Variants in SYT16 observed in about 807,000 individuals in gnomAD.
SYT16 encodes synaptotagmin 16, also known as synaptotagmin-16.
A neutral mutation model predicts 61.4 loss-of-function variants in SYT16; 42 were observed. That is an observed-to-expected ratio of 0.68 (90% CI 0.53 to 0.89). The LOEUF (loss-of-function observed/expected upper bound fraction) is 0.89, where lower values mean the gene tolerates loss of function less well. Ranked by LOEUF, SYT16 falls within the 40% of genes least tolerant of loss-of-function variation. The pLI is 0.00. For missense variants in SYT16, 804 were observed against 807.3 expected, an observed-to-expected ratio of 1.00 and a Z score of 0.05; for synonymous variants, 314 against 302.3, an observed-to-expected ratio of 1.04 and a Z score of -0.40.
At chr14:61,851,293 C>A (rs976067588) in intron 1 of SYT16, among the ~76,000 whole-genome samples, 1 of 152,196 alleles carries the variant, frequency 6.6e-6, no homozygotes, top group Non-Finnish European at 1.5e-5. Flanking sequence ...ACCACATTTT[C>A]TTTATCCAGT....
chr14:62,056,866 G>A (rs535861777), intron 3 of SYT16, among the ~76,000 whole-genome samples: 7 of 152,326 alleles, frequency 4.6e-5, no homozygotes, highest in Admixed American at 3.9e-4. Flanking sequence ...GACGGCGTCG[G>A]AGGACAACAC....
chr14:61,996,112 A>G lies in SYT16; in HGVS notation c.93A>G (p.Ala31=). 6.2e-7 allele frequency: 1 copy of G among 1,613,210 alleles called. No homozygotes were observed. The highest frequency in any genetic ancestry group is 8.5e-7 in the Non-Finnish European group (1 of 1,179,452). The change falls in exon 3 of 8, where the codon GCA becomes GCG. Residue 31 remains alanine (A), a synonymous_variant. Transcript: ENST00000683842. The stretch of plus-strand genomic sequence containing the variant: ...GGGTTTATGAAGCTCTCCAGCAAGC[A>G]GGAGATATGTTATCTGCTTCGCTGG... The part of the protein sequence containing the change: ...ISRVYEALQQ[A]GDMLSASLVN...
At chr14:61,983,516 G>GT (rs1224041293) in intron 2 of SYT16, among the ~76,000 whole-genome samples, 23 of 151,870 alleles carry the variant, frequency 1.5e-4, no homozygotes, top group African/African-American at 5.1e-4. Context: ...ATAATTTCAG[G>GT]TTTTTTTTGT....
At chr14:62,039,865 ACACACACACACACG>A (rs1466305229) in intron 3 of SYT16, among the ~76,000 whole-genome samples, 9 of 141,648 alleles carry the variant, frequency 6.4e-5, no homozygotes, top group South Asian at 2.4e-4. Flanking sequence ...ACACACACAC[ACACACACACACACG>A]CACATACACA....
chr14:62,051,694 T>C (rs980450932), intron 3 of SYT16, among the ~76,000 whole-genome samples: 1 of 152,250 alleles, frequency 6.6e-6, no homozygotes, highest in Non-Finnish European at 1.5e-5. Flanking sequence ...AGGTTCACTG[T>C]ATGTATAGTC....
chr14:61,996,612 G>C (rs1595112109), intron 3 of SYT16, 70 bp downstream of exon 3: 1 of 1,502,458 alleles, frequency 6.7e-7, no homozygotes, highest in East Asian at 2.3e-5. Context: ...ATTTTGACTT[G>C]TTTTTAGTTA....
At chr14:62,082,002 C>G (rs1431142130) in intron 6 of SYT16, among the ~76,000 whole-genome samples, 1 of 152,204 alleles carries the variant, frequency 6.6e-6, no homozygotes, top group African/African-American at 2.4e-5. Flanking sequence ...CCTTGGAGAG[C>G]TTGCAGTCTA....
At chr14:61,897,121 T>C (rs2048351586) in intron 1 of SYT16, 1 of 152,240 alleles carries the variant, frequency 6.6e-6, no homozygotes, top group Admixed American at 6.5e-5. Context: ...TAAAGTTTTA[T>C]TGGAACACAA....
At chr14:62,016,450 T>A (rs577636551) in intron 3 of SYT16, among the ~76,000 whole-genome samples, 1 of 151,754 alleles carries the variant, frequency 6.6e-6, no homozygotes, top group South Asian at 2.1e-4. Flanking sequence ...TCCCAGCACT[T>A]TGGGAGGCCA....
At chr14:61,960,846 C>T (rs890069717) in intron 1 of SYT16, among the ~76,000 whole-genome samples, 2 of 152,006 alleles carry the variant, frequency 1.3e-5, no homozygotes, top group Non-Finnish European at 2.9e-5. Context: ...TGGGAGGCAT[C>T]ACATTACTTG....
chr14:61,850,249 C>T (rs1332066089), intron 1 of SYT16, among the ~76,000 whole-genome samples: 1 of 151,950 alleles, frequency 6.6e-6, no homozygotes, highest in Non-Finnish European at 1.5e-5. Context: ...ATTCTCCTGC[C>T]TTAGCTTCCC....
chr14:62,008,858 A>G (rs540554230), intron 3 of SYT16, among the ~76,000 whole-genome samples: 8 of 152,052 alleles, frequency 5.3e-5, no homozygotes, highest in African/African-American at 1.9e-4. Flanking sequence ...ACCATTTTCC[A>G]TCCTTCAATT....
At chr14:61,880,212 T>C (rs986098997) in intron 1 of SYT16, among the ~76,000 whole-genome samples, 1 of 152,210 alleles carries the variant, frequency 6.6e-6, no homozygotes, top group Non-Finnish European at 1.5e-5. Flanking sequence ...TAACCGTGAA[T>C]AAATAGTTCC....
intron 2 of SYT16, among the ~76,000 whole-genome samples, chr14:61,983,373 G>C (rs1297478780): frequency 6.6e-6 from 1 of 152,146 alleles, no homozygotes; most frequent in Non-Finnish European, 1.5e-5. Flanking sequence ...TGGGCACTTT[G>C]AGGTTTAATG....
At chr14:61,959,973 C>T (rs2051050640) in intron 1 of SYT16, among the ~76,000 whole-genome samples, 1 of 152,072 alleles carries the variant, frequency 6.6e-6, no homozygotes, top group East Asian at 1.9e-4. Context: ...ATAACTGAGA[C>T]TACATGTCTA....
chr14:62,099,871 TTGTG>T (rs112392786), intron 7 of SYT16, among the ~76,000 whole-genome samples: 30,431 of 151,872 alleles, frequency 0.2, 3,215 homozygotes, highest in East Asian at 0.35. Flanking sequence ...GAGCAAGACC[TTGTG>T]TGTCTGTCTG....
intron 1 of SYT16, among the ~76,000 whole-genome samples, chr14:61,910,945 A>G (rs898755584): frequency 2.0e-5 from 3 of 152,168 alleles, no homozygotes; most frequent in Non-Finnish European, 4.4e-5. Context: ...TTGTTTTCCT[A>G]TACTGTGTTC....
intron 1 of SYT16, among the ~76,000 whole-genome samples, chr14:61,922,069 G>C (rs910286123): frequency 1.3e-4 from 20 of 152,234 alleles, no homozygotes; most frequent in African/African-American, 4.8e-4. Flanking sequence ...GCACACTTAG[G>C]GCTCAACTTA....
chr14:61,959,040 C>T (rs1330806795), intron 1 of SYT16, among the ~76,000 whole-genome samples: 1 of 151,940 alleles, frequency 6.6e-6, no homozygotes, highest in African/African-American at 2.4e-5. Context: ...GTCTTAGTGT[C>T]CATTTTGTCT....
Sources: gnomAD v4.1 joint callset for allele counts (sites outside exome capture counted in the v4.1 genomes callset) on GRCh38, gnomAD v4.1.1 for gene constraint, MANE v1.5 for transcripts, NCBI Gene and HGNC (gene_info 2026-07-23, HGNC 2026-07-21) for gene names.